Variants in UBXN2A observed in about 807,000 individuals in gnomAD.
UBXN2A encodes UBX domain-containing protein 2A.
A neutral mutation model predicts 28.4 loss-of-function variants in UBXN2A; 28 were observed. The observed-to-expected ratio is 0.99, with a 90% CI of 0.73 to 1.35. UBXN2A has a LOEUF of 1.35. Among genes scored for constraint, UBXN2A ranks in the 40% most tolerant of loss-of-function variants. The probability of loss-of-function intolerance (pLI) is 0.00; values close to 1 mark genes in which losing one functional copy is unlikely to be tolerated. For synonymous variants in UBXN2A, 97 were observed against 103.6 expected, an observed-to-expected ratio of 0.94 and a Z score of 0.39; for missense variants, 253 against 297.9, an observed-to-expected ratio of 0.85 and a Z score of 1.11.
intron 6 of UBXN2A, among the ~76,000 whole-genome samples, chr2:23,997,867 C>T (rs1322733437): frequency 6.6e-6 from 1 of 150,378 alleles, no homozygotes; most frequent in Non-Finnish European, 1.5e-5. Context: ...GGCTGGAGTG[C>T]AGTGGCGTCA....
upstream of UBXN2A, among the ~76,000 whole-genome samples, chr2:23,940,202 A>C (rs1332663110): frequency 1.3e-5 from 2 of 151,260 alleles, no homozygotes; most frequent in East Asian, 3.9e-4. Context: ...GAATGCAGGG[A>C]TGTCTCTCCA....
chr2:23,958,078 A>C (rs749802266), intron 1 of UBXN2A, among the ~76,000 whole-genome samples: 2 of 152,168 alleles, frequency 1.3e-5, no homozygotes, highest in African/African-American at 2.4e-5. Flanking sequence ...GGTATATTAT[A>C]CTTTTTTTCA....
At chr2:23,969,233 A>G (rs544518363) in intron 2 of UBXN2A, among the ~76,000 whole-genome samples, 2 of 152,186 alleles carry the variant, frequency 1.3e-5, no homozygotes, top group East Asian at 3.9e-4. Context: ...AATAAAAACC[A>G]GTAAAGTATT....
intron 2 of UBXN2A, among the ~76,000 whole-genome samples, chr2:23,966,021 A>ACT (rs1707147319): frequency 2.0e-5 from 3 of 151,592 alleles, no homozygotes; most frequent in African/African-American, 7.3e-5. Flanking sequence ...TGCCTTTGCT[A>ACT]CTCTTTTTTC....
intron 2 of UBXN2A, among the ~76,000 whole-genome samples, chr2:23,960,347 C>G (rs1706845108): frequency 6.6e-6 from 1 of 152,162 alleles, no homozygotes; most frequent in Non-Finnish European, 1.5e-5. Context: ...GCAATCAGAT[C>G]TGCTATATTA....
intron 2 of UBXN2A, among the ~76,000 whole-genome samples, chr2:23,962,132 C>T (rs1485637045): frequency 6.6e-6 from 1 of 152,142 alleles, no homozygotes; most frequent in Admixed American, 6.6e-5. Flanking sequence ...AGGCATGAGC[C>T]ACCGCGCCCA....
chr2:23,943,926 G>A (rs1299446298), intron 1 of UBXN2A: 1 of 426,824 alleles, frequency 2.3e-6, no homozygotes, highest in East Asian at 5.4e-5. Flanking sequence ...TATCAGAAAT[G>A]CTGTTCCTTT....
At chr2:23,945,145 A>G (rs1462878059) in intron 1 of UBXN2A, among the ~76,000 whole-genome samples, 1 of 152,116 alleles carries the variant, frequency 6.6e-6, no homozygotes, top group Non-Finnish European at 1.5e-5. Context: ...TGGAATGAGA[A>G]TGTCCTGGAA....
intron 1 of UBXN2A, among the ~76,000 whole-genome samples, chr2:23,951,208 A>C (rs1271059673): frequency 6.6e-6 from 1 of 151,830 alleles, no homozygotes; most frequent in Non-Finnish European, 1.5e-5. Flanking sequence ...AGTTGAAAAT[A>C]ATGTTGGAGA....
At chr2:23,999,596 T>A (rs1266065559) in intron 6 of UBXN2A, 76 bp from the exon 7 acceptor site, 40 of 1,442,520 alleles carry the variant, frequency 2.8e-5, no homozygotes, top group Non-Finnish European at 2.7e-5. Context: ...CAGATACTTT[T>A]ACCAGTTGTT....
At chr2:23,984,098 T>G (rs2150897770) in intron 5 of UBXN2A, among the ~76,000 whole-genome samples, 1 of 152,342 alleles carries the variant, frequency 6.6e-6, no homozygotes, top group South Asian at 2.1e-4. Flanking sequence ...TTTTCAAGTT[T>G]TACAGTTTCC....
At chr2:23,936,545 CAA>C (rs558126613), upstream of UBXN2A, among the ~76,000 whole-genome samples, 3 of 133,096 alleles carry the variant, frequency 2.3e-5, no homozygotes, top group Admixed American at 2.3e-4. Flanking sequence ...AATCCTACCT[CAA>C]AAAAAAAAAG....
intron 4 of UBXN2A, among the ~76,000 whole-genome samples, chr2:23,977,898 C>T (rs1197717101): frequency 6.6e-6 from 1 of 152,044 alleles, no homozygotes; most frequent in African/African-American, 2.4e-5. Context: ...GTGACATGAT[C>T]TCAGCTCACT....
At chr2:23,970,072 A>G (rs1446197890) in intron 2 of UBXN2A, among the ~76,000 whole-genome samples, 1 of 152,092 alleles carries the variant, frequency 6.6e-6, no homozygotes, top group Non-Finnish European at 1.5e-5. Flanking sequence ...CAGGCACATC[A>G]CTGGAGCCCA....
At chr2:23,963,540 C>G (rs77622919) in intron 2 of UBXN2A, among the ~76,000 whole-genome samples, 47 of 150,784 alleles carry the variant, frequency 3.1e-4, no homozygotes, top group African/African-American at 1.1e-3. Flanking sequence ...AGGCATACAA[C>G]AGGTATATGT....
chr2:23,940,373 G>C (rs1048984141), upstream of UBXN2A: 4 of 151,372 alleles, frequency 2.6e-5, no homozygotes, highest in Admixed American at 1.3e-4. Flanking sequence ...GCCGGGACTT[G>C]AAGCGCCCGG....
chr2:23,985,936 C>A (rs1354878996), intron 6 of UBXN2A, among the ~76,000 whole-genome samples: 1 of 152,044 alleles, frequency 6.6e-6, no homozygotes, highest in Non-Finnish European at 1.5e-5. Flanking sequence ...CTGCAGTGAG[C>A]CGAATTGCAC....
rs1170419869 is a variant in UBXN2A, at chr2:24,004,893, A to ACC, written c.*5026_*5027insCC. 1.3e-5 allele frequency: 2 copies of ACC among 152,248 alleles called. No homozygotes were observed. Among genetic ancestry groups the ACC allele is most frequent in the Admixed American group, 1.3e-4 (2 of 15,284 alleles). The allele number at this position is 152,248 out of a possible 1,614,324, so 9.4% of individuals were successfully genotyped here. On this transcript the variant is annotated 3_prime_UTR_variant, in exon 7 of 7. Transcript: ENST00000309033. Reference sequence around the variant, plus strand: ...CTGTTAATGAAATACTGTTCATTAAAAGGATCTGTGAAATCATTTACCCTT... The same window carrying ACC: ...CTGTTAATGAAATACTGTTCATTAAACCAGGATCTGTGAAATCATTTACCCTT...
chr2:23,976,836 C>T (rs1707684509), intron 3 of UBXN2A, 133 bp from the exon 4 acceptor site: 3 of 624,002 alleles, frequency 4.8e-6, no homozygotes, highest in Non-Finnish European at 8.3e-6. Flanking sequence ...CTGTCTTGGC[C>T]TCCCGAAGTG....
Sources: gnomAD v4.1 joint callset for allele counts (sites outside exome capture counted in the v4.1 genomes callset) on GRCh38, gnomAD v4.1.1 for gene constraint, MANE v1.5 for transcripts, NCBI Gene and HGNC (gene_info 2026-07-23, HGNC 2026-07-21) for gene names.